The following KIF6 variants were observed in gnomAD, a reference collection of about 807,000 sequenced individuals.
KIF6 encodes kinesin-like protein KIF6.
Under a neutral mutation model 112.7 loss-of-function variants are expected in KIF6, and 106 were observed. That is an observed-to-expected ratio of 0.94 (90% CI 0.80 to 1.11). The LOEUF is 1.11. Ranked by LOEUF, KIF6 falls within the 50% of genes least tolerant of loss-of-function variation. The pLI is 0.00. For missense variants in KIF6, 929 were observed against 964.0 expected, an observed-to-expected ratio of 0.96 and a Z score of 0.48; for synonymous variants, 339 against 339.9, an observed-to-expected ratio of 1.00 and a Z score of 0.03.
chr6:39,511,013 C>G (rs1776753655), intron 13 of KIF6, among the ~76,000 whole-genome samples: 1 of 151,194 alleles, frequency 6.6e-6, no homozygotes, highest in South Asian at 2.1e-4. Flanking sequence ...GAAGAGCTAA[C>G]TATCCTAAAT....
intron 15 of KIF6, among the ~76,000 whole-genome samples, chr6:39,419,444 A>T (rs1770185164): frequency 3.3e-5 from 5 of 151,624 alleles, no homozygotes; most frequent in Admixed American, 3.3e-4. Context: ...GTACTCACCT[A>T]AGTGGGGAGC....
intron 8 of KIF6, among the ~76,000 whole-genome samples, chr6:39,585,192 G>A (rs1781556064): frequency 6.6e-6 from 1 of 152,234 alleles, no homozygotes; most frequent in Admixed American, 6.5e-5. Flanking sequence ...GCCTGGTTTT[G>A]TGGAAGACAA....
chr6:39,657,067 C>G (rs908101959), intron 3 of KIF6, among the ~76,000 whole-genome samples: 1 of 151,758 alleles, frequency 6.6e-6, no homozygotes, highest in Non-Finnish European at 1.5e-5. Flanking sequence ...CCCGTCTCTA[C>G]TAAAAATACA....
At chr6:39,670,539 T>C (rs1354466086) in intron 3 of KIF6, among the ~76,000 whole-genome samples, 2 of 152,166 alleles carry the variant, frequency 1.3e-5, no homozygotes, top group Non-Finnish European at 2.9e-5. Flanking sequence ...TTCATCCTCA[T>C]CTTCACATTG....
chr6:39,693,745 G>A (rs1228870339), intron 3 of KIF6, among the ~76,000 whole-genome samples: 2 of 152,026 alleles, frequency 1.3e-5, no homozygotes, highest in East Asian at 3.9e-4. Context: ...GATGTACAAA[G>A]AAGAGCTGGT....
intron 13 of KIF6, among the ~76,000 whole-genome samples, chr6:39,468,217 G>A (rs1311286933): frequency 6.6e-6 from 1 of 152,002 alleles, no homozygotes; most frequent in East Asian, 1.9e-4. Flanking sequence ...TAGAGCCTCA[G>A]TGAAATGTGG....
At chr6:39,613,011 A>C (rs1187712869) in intron 6 of KIF6, among the ~76,000 whole-genome samples, 178 bp downstream of exon 6, 1 of 152,160 alleles carries the variant, frequency 6.6e-6, no homozygotes, top group Non-Finnish European at 1.5e-5. Context: ...GACCTTGGGA[A>C]AGTCTCCTCA....
Position 39,539,623 on chromosome 6 carries a change from G to A in KIF6, c.1645+380C>T, listed in dbSNP as rs184880471. 6.0e-3 allele frequency among the ~76,000 whole-genome samples: 920 copies of A among 152,304 alleles called. 10 individuals carry two copies. The highest frequency in any genetic ancestry group is 0.012 in the South Asian group (59 of 4,822). ...CTCCCAAAATGCTGGGATTCCAGGC[G>A]TGAGCCACCGTGCCTGGCCTGGTAA... On this transcript the variant is annotated intron_variant, in intron 13 of 22. Coordinates refer to ENST00000287152, the MANE Select transcript of KIF6 (RefSeq NM_145027.6).
At chr6:39,483,230 C>A (rs1171681313) in intron 13 of KIF6, among the ~76,000 whole-genome samples, 1 of 152,132 alleles carries the variant, frequency 6.6e-6, no homozygotes, top group Non-Finnish European at 1.5e-5. Context: ...TATAGGCAGT[C>A]TGAAGGAAAA....
intron 9 of KIF6, among the ~76,000 whole-genome samples, chr6:39,582,381 C>T (rs1781342893): frequency 6.6e-6 from 1 of 152,004 alleles, no homozygotes; most frequent in Non-Finnish European, 1.5e-5. Flanking sequence ...CTCTGAGGTA[C>T]CAATACTTTT....
chr6:39,668,975 C>G (rs181193930), intron 3 of KIF6, among the ~76,000 whole-genome samples: 2 of 151,870 alleles, frequency 1.3e-5, no homozygotes, highest in Non-Finnish European at 2.9e-5. Flanking sequence ...CCATAAAATC[C>G]TTATTTTAGC....
At chr6:39,397,525 T>C (rs80022279) in intron 15 of KIF6, among the ~76,000 whole-genome samples, 5,407 of 150,354 alleles carry the variant, frequency 0.036, 204 homozygotes, top group East Asian at 0.22. Context: ...AGGAAGAACA[T>C]CGTTTCCCCC....
At chr6:39,581,447 C>T (rs111811516) in intron 9 of KIF6, among the ~76,000 whole-genome samples, 50 of 151,922 alleles carry the variant, frequency 3.3e-4, no homozygotes, top group Admixed American at 2.0e-4. Flanking sequence ...TGAGCCACTG[C>T]GCCCGGCCCG....
intron 15 of KIF6, among the ~76,000 whole-genome samples, chr6:39,414,656 C>T (rs944394763): frequency 6.6e-6 from 1 of 152,200 alleles, no homozygotes; most frequent in Non-Finnish European, 1.5e-5. Context: ...GTGGGCTATG[C>T]TCAAAGCTCC....
chr6:39,612,980 C>T (rs141369299), intron 6 of KIF6, among the ~76,000 whole-genome samples: 23 of 152,258 alleles, frequency 1.5e-4, no homozygotes, highest in African/African-American at 4.8e-4. Context: ...ATTTCTGTTC[C>T]TGCTCATTAG....
At chr6:39,681,923 T>C (rs1787542530) in intron 3 of KIF6, among the ~76,000 whole-genome samples, 1 of 151,870 alleles carries the variant, frequency 6.6e-6, no homozygotes, top group Admixed American at 6.6e-5. Context: ...TACAGGGGTA[T>C]GTAGAGTTTG....
chr6:39,439,803 C>G (rs1345044904), intron 13 of KIF6, among the ~76,000 whole-genome samples: 2 of 152,066 alleles, frequency 1.3e-5, no homozygotes, highest in African/African-American at 4.8e-5. Flanking sequence ...CCATGGAAAC[C>G]AAATGGAAAG....
chr6:39,480,219 A>C (rs537591889), intron 13 of KIF6, among the ~76,000 whole-genome samples: 1 of 152,236 alleles, frequency 6.6e-6, no homozygotes, highest in African/African-American at 2.4e-5. Context: ...ACATTGAGGC[A>C]TGTCCCTTGT....
chr6:39,583,690 T>C (rs1356101927), intron 9 of KIF6, among the ~76,000 whole-genome samples: 3 of 92,224 alleles, frequency 3.3e-5, no homozygotes, highest in Admixed American at 1.4e-4. Flanking sequence ...TTTTTTTTTT[T>C]TTTTTTTTTT....
Sources: gnomAD v4.1 joint callset for allele counts (sites outside exome capture counted in the v4.1 genomes callset) on GRCh38, gnomAD v4.1.1 for gene constraint, MANE v1.5 for transcripts, NCBI Gene and HGNC (gene_info 2026-07-23, HGNC 2026-07-21) for gene names.